The following CECR2 variants were observed in gnomAD, a reference collection of about 807,000 sequenced individuals.
CECR2 encodes the protein CECR2 histone acetyl-lysine reader.
Under a neutral mutation model 154.5 loss-of-function variants are expected in CECR2, and 30 were observed. The ratio of observed to expected loss-of-function variants is 0.19; its 90% CI spans 0.15 to 0.26. The LOEUF is 0.26. Ranked by LOEUF, CECR2 falls within the 10% of genes least tolerant of loss-of-function variation. The pLI is 1.00. For synonymous variants in CECR2, 725 were observed against 683.7 expected, an observed-to-expected ratio of 1.06 and a Z score of -0.94; for missense variants, 1,743 against 1,829.3, an observed-to-expected ratio of 0.95 and a Z score of 0.86.
chr22:17,514,155 G>A (rs1485053260), intron 8 of CECR2, among the ~76,000 whole-genome samples: 5 of 152,188 alleles, frequency 3.3e-5, no homozygotes, highest in African/African-American at 9.7e-5. Context: ...GTGACTTCTT[G>A]GGGAAAATAT....
At chr22:17,487,267 T>G (rs1324358347) in intron 2 of CECR2, among the ~76,000 whole-genome samples, 1 of 152,208 alleles carries the variant, frequency 6.6e-6, no homozygotes, top group African/African-American at 2.4e-5. Flanking sequence ...CTTTCAGCAC[T>G]TTTGTTTTCC....
intron 9 of CECR2, chr22:17,524,988 A>G (rs2056234067): frequency 5.2e-6 from 1 of 192,270 alleles, no homozygotes; most frequent in Non-Finnish European, 1.1e-5. Context: ...TTTAGAATTA[A>G]TAAAGAAATG....
At chr22:17,394,004 C>T (rs960296413) in intron 1 of CECR2, among the ~76,000 whole-genome samples, 2 of 151,192 alleles carry the variant, frequency 1.3e-5, no homozygotes, top group Admixed American at 6.6e-5. Flanking sequence ...TCTCCTGCCT[C>T]AGCCTCCCGA....
chr22:17,427,143 G>A (rs889328818), intron 1 of CECR2, among the ~76,000 whole-genome samples: 1 of 151,986 alleles, frequency 6.6e-6, no homozygotes, highest in African/African-American at 2.4e-5. Flanking sequence ...AGTTTGATGA[G>A]AATGATGGTT....
At chr22:17,447,202 T>G (rs1271984469) in intron 1 of CECR2, among the ~76,000 whole-genome samples, 1 of 151,274 alleles carries the variant, frequency 6.6e-6, no homozygotes, top group Admixed American at 6.6e-5. Context: ...GCCCGGCTAA[T>G]TTTTTGTGTT....
upstream of CECR2, chr22:17,369,436 T>A (rs1272063676): frequency 2.7e-5 from 4 of 147,796 alleles, no homozygotes; most frequent in Non-Finnish European, 6.0e-5. Flanking sequence ...AGGCCCCGCG[T>A]CCGGCCCCTC....
At chr22:17,443,858 G>A (rs552700737) in intron 1 of CECR2, among the ~76,000 whole-genome samples, 2 of 152,242 alleles carry the variant, frequency 1.3e-5, no homozygotes, top group South Asian at 4.1e-4. Context: ...ATAGAGGCAC[G>A]GAGATTCAGA....
chr22:17,402,850 C>T (rs1601293985), intron 1 of CECR2, among the ~76,000 whole-genome samples: 2 of 151,054 alleles, frequency 1.3e-5, no homozygotes, highest in Non-Finnish European at 2.9e-5. Context: ...CTCCGCCTCC[C>T]GGGTTCAAGC....
chr22:17,441,301 G>A (rs1286979894), intron 1 of CECR2, among the ~76,000 whole-genome samples: 1 of 152,132 alleles, frequency 6.6e-6, no homozygotes, highest in African/African-American at 2.4e-5. Context: ...ACTGGTTGTT[G>A]TTGGGAATCT....
chr22:17,498,308 A>G (rs188689450), intron 3 of CECR2, among the ~76,000 whole-genome samples: 20,152 of 151,836 alleles, frequency 0.13, 1,545 homozygotes, highest in Non-Finnish European at 0.18. Context: ...GGAGAATGGC[A>G]TGAACCCGGG....
chr22:17,368,240 C>G (rs1264522143), upstream of CECR2, among the ~76,000 whole-genome samples: 1 of 152,150 alleles, frequency 6.6e-6, no homozygotes, highest in Non-Finnish European at 1.5e-5. Context: ...TATAAATTAT[C>G]TCCAGATTGT....
chr22:17,445,915 A>G (rs527381256), intron 1 of CECR2, among the ~76,000 whole-genome samples: 219 of 152,222 alleles, frequency 1.4e-3, no homozygotes, highest in African/African-American at 4.8e-3. Context: ...AGATTACACA[A>G]TGTAAATGCT....
At chr22:17,511,779 T>G (rs1206918318) in intron 7 of CECR2, 34 bp from the exon 8 acceptor site, 1 of 1,579,598 alleles carries the variant, frequency 6.3e-7, no homozygotes, top group African/African-American at 1.4e-5. Context: ...CCCTAATCTA[T>G]CTTTTCCTTT....
At position 17,553,244 on chromosome 22, in the gene CECR2, G is replaced by C. The variant is rs1017656005; in HGVS notation, c.*404G>C. The C allele has an allele frequency of 6.0e-6, 1 of 165,710 alleles. No individual in the cohort carries two copies. Among genetic ancestry groups the C allele is most frequent in the East Asian group, 1.6e-4 (1 of 6,110 alleles). The allele number at this position is 165,710 out of a possible 1,614,324, so 10.3% of individuals were successfully genotyped here. A position where few individuals can be genotyped will look rare whatever the true frequency, so the allele number is the denominator to read the frequency against. ...TAAACTCAGGTATATATTTGGGGAA[G>C]GGACTACTCTTAGTATTAATGGTTT... On this transcript the variant is annotated 3_prime_UTR_variant, in exon 19 of 19. Coordinates refer to ENST00000262608, the MANE Select transcript of CECR2 (RefSeq NM_001290047.2).
intron 2 of CECR2, among the ~76,000 whole-genome samples, chr22:17,495,426 G>A (rs868360749): frequency 2.6e-5 from 4 of 151,890 alleles, no homozygotes; most frequent in African/African-American, 4.8e-5. Flanking sequence ...AAAATTAGCC[G>A]GTCATGGTGG....
At chr22:17,529,556 C>G (rs542014136) in intron 9 of CECR2, among the ~76,000 whole-genome samples, 1 of 152,046 alleles carries the variant, frequency 6.6e-6, no homozygotes, top group South Asian at 2.1e-4. Context: ...AAAAATTAGC[C>G]AGGCGTGGTG....
At chr22:17,511,669 C>A in intron 7 of CECR2, 144 bp from the exon 8 acceptor site, 1 of 558,004 alleles carries the variant, frequency 1.8e-6, no homozygotes. Flanking sequence ...AGCAGTGGTT[C>A]CTGATTGTCC....
intron 2 of CECR2, among the ~76,000 whole-genome samples, chr22:17,487,891 TATTTA>T (rs2055452006): frequency 1.3e-5 from 2 of 149,176 alleles, no homozygotes; most frequent in African/African-American, 5.2e-5. Context: ...TTTATTTATT[TATTTA>T]TTTTGAGAGA....
intron 9 of CECR2, among the ~76,000 whole-genome samples, chr22:17,531,636 G>T (rs547837912): frequency 6.6e-6 from 1 of 152,162 alleles, no homozygotes; most frequent in Non-Finnish European, 1.5e-5. Context: ...GTATAGTAAG[G>T]CCAAGAGAAT....
Sources: allele counts gnomAD v4.1 joint callset (sites outside exome capture counted in the v4.1 genomes callset), GRCh38; gene constraint gnomAD v4.1.1; transcripts MANE v1.5; gene names NCBI Gene and HGNC (gene_info 2026-07-23, HGNC 2026-07-21).